The following KLHL26 variants were observed in gnomAD, a reference collection of about 807,000 sequenced individuals.
The protein encoded by KLHL26 is kelch like family member 26, also known as kelch-like protein 26.
In KLHL26, 4 loss-of-function variants were observed where a neutral mutation model predicts 7.1. That is an observed-to-expected ratio of 0.56 (90% CI 0.28 to 1.28). KLHL26 has a LOEUF of 1.28. Ranked by LOEUF, KLHL26 falls within the 50% of genes most tolerant of loss-of-function variation. The pLI, the probability that KLHL26 is intolerant of heterozygous loss-of-function variation, is 0.11. For synonymous variants in KLHL26, 465 were observed against 414.1 expected (o/e 1.12, Z -1.49); for missense variants, 896 against 924.6 (o/e 0.97, Z 0.40).
At chr19:18,653,652 C>G (rs1168426812) in intron 1 of KLHL26, among the ~76,000 whole-genome samples, 1 of 57,210 alleles carries the variant, frequency 1.7e-5, no homozygotes, top group Non-Finnish European at 3.5e-5. Flanking sequence ...GTCCACCCAC[C>G]CTTCCATCAG....
Position 18,668,041 on chromosome 19 carries a change from G to T in KLHL26, c.644G>T (p.Ser215Ile). The T allele has an allele frequency of 6.2e-7, 1 of 1,608,192 alleles. No individual in the cohort carries two copies. The highest frequency in any genetic ancestry group is 8.5e-7 in the Non-Finnish European group (1 of 1,179,938). Residue 215 changes from serine to isoleucine, a missense_variant, in exon 3 of 3, where the codon AGC becomes ATC. Transcript: ENST00000300976. The stretch of plus-strand genomic sequence containing the variant: ...GAGCGCCTGGTCTTCTTCCTGCAGA[G>T]CAACCGGCTGCAGAGCTGTGCCGAG... The part of the protein sequence containing the change: ...PLERLVFFLQ[S>I]NRLQSCAEID...
intron 1 of KLHL26, among the ~76,000 whole-genome samples, chr19:18,660,781 G>T (rs1010866044): frequency 3.3e-5 from 5 of 152,212 alleles, no homozygotes; most frequent in Non-Finnish European, 7.3e-5. Flanking sequence ...TGAGGGTGAC[G>T]TCAGGGGCCT....
Position 18,667,656 on chromosome 19 carries a change from C to T in KLHL26, c.267-8C>T. ...CTGCCAGCCACACGTTGTGTTTCTG[C>T]CCTTCAGGGCCATGTTCACCGGCGG... On this transcript the variant is annotated splice_region_variant and splice_polypyrimidine_tract_variant and intron_variant, in intron 2 of 2. Transcript: ENST00000300976. The T allele has an allele frequency of 6.2e-7, 1 of 1,603,942 alleles. No individual in the cohort carries two copies. Among genetic ancestry groups the T allele is most frequent in the Non-Finnish European group, 8.5e-7 (1 of 1,174,420 alleles).
In KLHL26 at chr19:18,669,132, CAG is replaced by C; in HGVS notation, c.1736_1737del (p.Gln579ArgfsTer47). On this transcript the variant is annotated frameshift_variant, in exon 3 of 3. Coordinates refer to ENST00000300976, the MANE Select transcript of KLHL26 (RefSeq NM_018316.3). LOFTEE classifies it high-confidence loss of function. Reference sequence around the variant, plus strand: ...TCTCAACAACGTCACGGGCATCGTACAGGTGTACAACACGGACACCGACGAGT... The same window carrying C: ...TCTCAACAACGTCACGGGCATCGTACGTGTACAACACGGACACCGACGAGT... ...WRLNNVTGIV[Q>X]VYNTDTDEWE... The C allele has an allele frequency of 6.2e-7, 1 of 1,612,920 alleles. No homozygotes were observed.
intron 2 of KLHL26, 89 bp downstream of exon 2, chr19:18,664,532 GTC>G: frequency 9.5e-7 from 1 of 1,054,962 alleles, no homozygotes. Context: ...AAGGGGGCCT[GTC>G]TCAGCGCTAC....
Position 18,667,794 on chromosome 19 carries a change from G to A in KLHL26, c.397G>A (p.Val133Met), listed in dbSNP as rs764811167. 1.2e-5 allele frequency: 19 copies of A among 1,613,304 alleles called. No homozygotes were observed. The highest frequency in any genetic ancestry group is 5.3e-5 in the African/African-American group (4 of 74,952). ...CGAGGTGACACTGGACCTGGACTGCGTGCAGGACGTGCTGGGCGCGGCCGT... is the reference window on the plus strand; with the variant it reads ...CGAGGTGACACTGGACCTGGACTGCATGCAGGACGTGCTGGGCGCGGCCGT... Reference protein sequence around the residue: ...SAEVTLDLDCVQDVLGAAVFL... With the variant: ...SAEVTLDLDCMQDVLGAAVFL... The change falls in exon 3 of 3, where the codon GTG becomes ATG. Residue 133 changes from valine (V) to methionine (M), a missense_variant. Val to Met is a conservative substitution (Grantham distance 21). Transcript: ENST00000300976.
At position 18,668,722 on chromosome 19, in the gene KLHL26, AC is replaced by A; in HGVS notation, c.1326del (p.Tyr442Ter). 1 of 1,578,744 alleles carries A rather than the reference AC, an allele frequency of 6.3e-7. No homozygotes were observed. The highest frequency in any genetic ancestry group is 8.6e-7 in the Non-Finnish European group (1 of 1,168,774). The stretch of plus-strand genomic sequence containing the variant: ...TGCCCCCGGCGCAATGAGTGGGGCT[AC>A]GCCTGCTCGCTGAAGCGCCGTACCT... Reference protein sequence around the residue: ...RYCPRRNEWGYACSLKRRTWG... With the variant: ...RYCPRRNEWGXACSLKRRTWG... On this transcript the variant is annotated frameshift_variant, in exon 3 of 3. Transcript: ENST00000300976. LOFTEE classifies it low-confidence loss of function (END_TRUNC).
chr19:18,641,848 C>T (rs1451664882), intron 1 of KLHL26, among the ~76,000 whole-genome samples: 1 of 150,896 alleles, frequency 6.6e-6, no homozygotes, highest in Non-Finnish European at 1.5e-5. Flanking sequence ...AGGCTGGTCT[C>T]GATCTCTTGA....
At chr19:18,665,209 A>G (rs2052435714) in intron 2 of KLHL26, among the ~76,000 whole-genome samples, 2 of 151,800 alleles carry the variant, frequency 1.3e-5, no homozygotes, top group South Asian at 4.2e-4. Flanking sequence ...GGCGCATGCC[A>G]CCACACCTGG....
rs1056877819 is a variant in KLHL26, at chr19:18,648,975, C to G, written c.83+11838C>G. 6.6e-6 allele frequency among the ~76,000 whole-genome samples: 1 copy of G among 152,186 alleles called. No individual in the cohort carries two copies. Among genetic ancestry groups the G allele is most frequent in the Non-Finnish European group, 1.5e-5 (1 of 68,020 alleles). On this transcript the variant is annotated intron_variant, in intron 1 of 2. Transcript: ENST00000300976. The surrounding 1 kb of genome is among the most constrained non-coding windows in gnomAD (Gnocchi z 4.9). ...CCCTGCCGGCCACCTGCCAGTGGCT[C>G]CCTCACTCTCAGAACAAAATCTACT... is the stretch of plus-strand genomic sequence containing the variant.
At position 18,668,742 on chromosome 19, in the gene KLHL26, C is replaced by G. The variant is rs1264696113; in HGVS notation, c.1345C>G (p.Arg449Gly). 4 of 1,584,970 alleles carry G rather than the reference C, an allele frequency of 2.5e-6. No individual in the cohort carries two copies. The highest frequency in any genetic ancestry group is 1.1e-5 in the South Asian group (1 of 88,792). ...GGGCTACGCCTGCTCGCTGAAGCGC[C>G]GTACCTGGGGCCATGCTGGGGCCGC... is the stretch of plus-strand genomic sequence containing the variant. ...EWGYACSLKR[R>G]TWGHAGAASG... Residue 449 changes from arginine to glycine, a missense_variant, in exon 3 of 3, where the codon CGT becomes GGT. Transcript: ENST00000300976.
chr19:18,668,590 C>G lies in KLHL26; in HGVS notation c.1193C>G (p.Ala398Gly). Residue 398 changes from alanine to glycine, a missense_variant, in exon 3 of 3, where the codon GCC (alanine) becomes GGC (glycine). Coordinates refer to ENST00000300976, the MANE Select transcript of KLHL26 (RefSeq NM_018316.3). The part of the protein sequence containing the change: ...PHLNRWLRLQ[A>G]MQESRIQFQL... The stretch of plus-strand genomic sequence containing the variant: ...CTGAATCGCTGGCTGCGCCTGCAGG[C>G]CATGCAGGAAAGCCGCATCCAGTTC... 6.3e-7 allele frequency: 1 copy of G among 1,590,152 alleles called. No individual in the cohort carries two copies. Among genetic ancestry groups the G allele is most frequent in the Non-Finnish European group, 8.5e-7 (1 of 1,173,660 alleles).
At chr19:18,640,083 C>G (rs1456989578) in intron 1 of KLHL26, among the ~76,000 whole-genome samples, 1 of 151,408 alleles carries the variant, frequency 6.6e-6, no homozygotes, top group Non-Finnish European at 1.5e-5. Context: ...TATCCATTAA[C>G]TGGTTGATGG....
chr19:18,654,403 A>G (rs2145391949), intron 1 of KLHL26, among the ~76,000 whole-genome samples: 1 of 142,218 alleles, frequency 7.0e-6, no homozygotes, highest in East Asian at 2.2e-4. Context: ...CCGTCCAGCC[A>G]CCCTTCCATC....
chr19:18,655,459 CT>C (rs2052320499), intron 1 of KLHL26, among the ~76,000 whole-genome samples: 1 of 152,236 alleles, frequency 6.6e-6, no homozygotes, highest in Non-Finnish European at 1.5e-5. Context: ...TGGTGTCCCC[CT>C]GCCTCTGTTT....
Position 18,658,505 on chromosome 19 carries a change from CT to C in KLHL26, c.84-5755del, listed in dbSNP as rs201553463. 9.1e-4 allele frequency among the ~76,000 whole-genome samples: 138 copies of C among 152,082 alleles called. 3 individuals are homozygous for C. In the East Asian group the frequency reaches 0.026, roughly 29 times the overall value. ...TCTCTCTGGGTCTCTGTCTCCCTGT[CT>C]CTGGGTCTCTGTCTCTCCCTCTCCC... On this transcript the variant is annotated intron_variant, in intron 1 of 2. Transcript: ENST00000300976.
At chr19:18,667,499 C>G in intron 2 of KLHL26, 165 bp from the exon 3 acceptor site, 6 of 1,259,114 alleles carry the variant, frequency 4.8e-6, no homozygotes, top group Non-Finnish European at 6.4e-6. Flanking sequence ...CCACCGCGCC[C>G]GGCCCCTTTG....
intron 1 of KLHL26, among the ~76,000 whole-genome samples, chr19:18,647,158 G>A (rs1976818504): frequency 1.3e-5 from 2 of 152,234 alleles, no homozygotes; most frequent in Admixed American, 1.3e-4. Context: ...CTCTGGGAGT[G>A]GAATTGCTCT....
At position 18,668,298 on chromosome 19, in the gene KLHL26, C is replaced by T. The variant is rs1250871209; in HGVS notation, c.901C>T (p.Arg301Cys). The T allele has an allele frequency of 1.5e-5, 24 of 1,611,550 alleles. No homozygotes were observed. Among genetic ancestry groups the T allele is most frequent in the South Asian group, 3.3e-5 (3 of 91,078 alleles). ...PFRQHEMQSPRTAVRSDVPSL... is the reference protein window; with the variant it reads ...PFRQHEMQSPCTAVRSDVPSL... ...CCGGCAGCACGAGATGCAGTCTCCG[C>T]GCACCGCCGTGCGCTCGGATGTGCC... The change falls in exon 3 of 3, where the codon CGC becomes TGC. Residue 301 changes from arginine to cysteine, a missense_variant. Physicochemically the swap from Arg to Cys is radical, Grantham distance 180 (BLOSUM62 -3). Transcript: ENST00000300976.
Sources: gnomAD v4.1 joint callset for allele counts (sites outside exome capture counted in the v4.1 genomes callset) on GRCh38, gnomAD v4.1.1 for gene constraint, Gnocchi (gnomAD v3.1) non-coding constraint, MANE v1.5 for transcripts, NCBI Gene and HGNC (gene_info 2026-07-23, HGNC 2026-07-21) for gene names.